The following SLC4A3 variants were observed in gnomAD, a reference collection of about 807,000 sequenced individuals.
SLC4A3 encodes the protein solute carrier family 4 member 3.
In SLC4A3, 47 loss-of-function variants were observed where a neutral mutation model predicts 114.2. The observed-to-expected ratio is 0.41, with a 90% CI of 0.33 to 0.52. The LOEUF is 0.52. SLC4A3 is among the 20% of genes least tolerant of loss of function. The pLI is 0.21. For missense variants in SLC4A3, 1,312 were observed against 1,668.3 expected, an observed-to-expected ratio of 0.79 and a Z score of 3.72; for synonymous variants, 693 against 710.3, an observed-to-expected ratio of 0.98 and a Z score of 0.39.
In SLC4A3 at chr2:219,637,433, G is replaced by C; in HGVS notation, c.2536-148G>C. 1 of 593,850 alleles carries C rather than the reference G, an allele frequency of 1.7e-6. No homozygotes were observed. Among genetic ancestry groups the C allele is most frequent in the South Asian group, 2.1e-5 (1 of 47,736 alleles). The allele number at this position is 593,850 out of a possible 1,614,324, so 36.8% of individuals were successfully genotyped here. ...GTGTGTTCTGTGTGTTCTGTGTGTT[G>C]TGTGTGTGGTGCAGCTGGATGTCCG... On this transcript the variant is annotated intron_variant, in intron 16 of 22. Coordinates refer to ENST00000358055, the MANE Select transcript of SLC4A3 (RefSeq NM_005070.4). This position sits in a 1 kb window ranked among gnomAD's most constrained non-coding sequence, Gnocchi z 4.6.
Position 219,629,496 on chromosome 2 carries a change from T to C in SLC4A3, c.495+75T>C, listed in dbSNP as rs919269065. On this transcript the variant is annotated intron_variant, in intron 4 of 22. Coordinates refer to ENST00000358055, the MANE Select transcript of SLC4A3 (RefSeq NM_005070.4). ...ACAGAGAGGAGGAGAGGAGTGCGTG[T>C]TGGGGGCCTGTGTGAGGCTGGGTAG... 6.3e-6 allele frequency: 10 copies of C among 1,592,568 alleles called. No individual in the cohort carries two copies. In the African/African-American group the frequency reaches 9.4e-5, roughly 15 times the overall value.
In SLC4A3 at chr2:219,633,993, G is replaced by T. The variant is rs1699031505; in HGVS notation, c.1561+14G>T. 2 of 1,541,428 alleles carry T rather than the reference G, an allele frequency of 1.3e-6. No individual in the cohort carries two copies. The highest frequency in any genetic ancestry group is 4.9e-5 in the East Asian group (2 of 41,026). Reference sequence around the variant, plus strand: ...TTGTGCTTGTGGGTGAGGAGGGCCGGGCGCCGGGGGCAGGGTCTGCAGTGT... The same window carrying T: ...TTGTGCTTGTGGGTGAGGAGGGCCGTGCGCCGGGGGCAGGGTCTGCAGTGT... On this transcript the variant is annotated intron_variant, in intron 11 of 22. Coordinates refer to ENST00000358055, the MANE Select transcript of SLC4A3 (RefSeq NM_005070.4).
At chr2:219,629,018 CATGGCCCTGGAGG>C (rs1424848961) in intron 3 of SLC4A3, 113 bp from the exon 4 acceptor site, 20 of 1,165,538 alleles carry the variant, frequency 1.7e-5, no homozygotes, top group Non-Finnish European at 2.2e-5. Flanking sequence ...GTTGGGGGGT[CATGGCCCTGGAGG>C]AAGGACTAGG....
Position 219,640,601 on chromosome 2 carries a change from T to C in SLC4A3, c.3447+2T>C. 1 of 1,613,356 alleles carries C rather than the reference T, an allele frequency of 6.2e-7. No homozygotes were observed. The highest frequency in any genetic ancestry group is 2.2e-5 in the East Asian group (1 of 44,874). On this transcript the variant is annotated splice_donor_variant, in intron 21 of 22. Transcript: ENST00000358055. LOFTEE classifies it high-confidence loss of function. ...CCTGAGCAGCCCTATGTGACCAAGG[T>C]AGGGCCGGGAAGCATGGGGGTAGGG...
intron 4 of SLC4A3, 79 bp downstream of exon 4, chr2:219,629,500 G>A (rs1203924573): frequency 1.8e-5 from 29 of 1,592,274 alleles, no homozygotes; most frequent in Non-Finnish European, 2.4e-5. Flanking sequence ...TGCGTGTTGG[G>A]GGCCTGTGTG....
Position 219,639,875 on chromosome 2 carries a change from C to T in SLC4A3, c.3277+140C>T. 9.4e-7 allele frequency: 1 copy of T among 1,065,364 alleles called. No individual in the cohort carries two copies. Among genetic ancestry groups the T allele is most frequent in the Non-Finnish European group, 1.4e-6 (1 of 740,268 alleles). The allele number at this position is 1,065,364 out of a possible 1,614,324, so 66.0% of individuals were successfully genotyped here. A position where few individuals can be genotyped will look rare whatever the true frequency, so the allele number is the denominator to read the frequency against. On this transcript the variant is annotated intron_variant, in intron 20 of 22. Transcript: ENST00000358055. The surrounding 1 kb of genome is among the most constrained non-coding windows in gnomAD (Gnocchi z 5.9). ...TGACCCCCAAACCTGCTTCCCAGCA[C>T]TCCCCTAGCCCTTTACTCCTGGAGT...
rs1172184191 is a variant in SLC4A3, at chr2:219,634,604, G to A, written c.1746G>A (p.Lys582=). ...GRSIATLMSD[K]LFHEAAYQAD... ...CCATTGCCACCCTTATGTCTGACAAGGTTGGGCGCGTGCTGGCTCTCAAGG... is the reference window on the plus strand; with the variant it reads ...CCATTGCCACCCTTATGTCTGACAAAGTTGGGCGCGTGCTGGCTCTCAAGG... The change falls in exon 12 of 23, where the codon AAG becomes AAA. Residue 582 remains lysine, a splice_region_variant and synonymous_variant. Coordinates refer to ENST00000358055, the MANE Select transcript of SLC4A3 (RefSeq NM_005070.4). The A allele has an allele frequency of 6.2e-7, 1 of 1,613,882 alleles. No individual in the cohort carries two copies. Among genetic ancestry groups the A allele is most frequent in the Non-Finnish European group, 8.5e-7 (1 of 1,179,884 alleles).
chr2:219,629,983 G>C, intron 5 of SLC4A3, 170 bp from the exon 6 acceptor site: 1 of 1,351,058 alleles, frequency 7.4e-7, no homozygotes, highest in Admixed American at 2.5e-5. Context: ...GTGGAGGAAA[G>C]GGGGAGCCAC....
In SLC4A3 at chr2:219,631,165, TCCAGGCTC is replaced by T. The variant is rs1698905165; in HGVS notation, c.812-799_812-792del. On this transcript the variant is annotated intron_variant, in intron 6 of 22. Transcript: ENST00000358055. This position sits in a 1 kb window ranked among gnomAD's most constrained non-coding sequence, Gnocchi z 6.3. ...CTCTGGTTGGACAGAAGCCACCCCG[TCCAGGCTC>T]CCACCTTGTAGGAGAGCCGAGGGGT... 4 of 1,185,278 alleles carry T rather than the reference TCCAGGCTC, an allele frequency of 3.4e-6. No homozygotes were observed. Among genetic ancestry groups the T allele is most frequent in the Non-Finnish European group, 4.3e-6 (4 of 930,310 alleles). The allele number at this position is 1,185,278 out of a possible 1,614,324, so 73.4% of individuals were successfully genotyped here. A position where few individuals can be genotyped will look rare whatever the true frequency, so the allele number is the denominator to read the frequency against.
rs1699131681 is a variant in SLC4A3, at chr2:219,636,740, G to A, written c.2401G>A (p.Val801Met). 1 of 1,613,982 alleles carries A rather than the reference G, an allele frequency of 6.2e-7. No homozygotes were observed. The highest frequency in any genetic ancestry group is 1.3e-5 in the African/African-American group (1 of 74,914). The stretch of plus-strand genomic sequence containing the variant: ...CCGGGTGTGGGTTGGTCTCTGGCTG[G>A]TGGTCTTCGTCCTTGCCCTGGTGGC... ...TGRVWVGLWL[V>M]VFVLALVAAE... Residue 801 changes from valine (V) to methionine (M), a missense_variant, in exon 16 of 23, where the codon GTG (valine) becomes ATG (methionine). Physicochemically the swap from Val to Met is conservative, Grantham distance 21 (BLOSUM62 1). Around this residue, in one of 4 missense-constraint regions of SLC4A3, gnomAD observed 771 missense variants for 977.7 expected, o/e 0.79. Coordinates refer to ENST00000358055, the MANE Select transcript of SLC4A3 (RefSeq NM_005070.4). This position sits in a 1 kb window ranked among gnomAD's most constrained non-coding sequence, Gnocchi z 5.5.
rs597306 is a variant in SLC4A3 at position 219,629,396 on chromosome 2, A to C, written c.470A>C (p.His157Pro). ...GAGGCAGAACCTGTGGAGCCCCCCC[A>C]CTCAGGGACCCCACAGAAGGCAAAG... Reference protein sequence around the residue: ...ESEAEPVEPPHSGTPQKAKFS... With the variant: ...ESEAEPVEPPPSGTPQKAKFS... The change falls in exon 4 of 23, where the codon CAC (histidine) becomes CCC (proline). Residue 157 changes from histidine to proline, a missense_variant. Around this residue, in one of 4 missense-constraint regions of SLC4A3, gnomAD observed 236 missense variants for 212.1 expected, o/e 1.11. Coordinates refer to ENST00000358055, the MANE Select transcript of SLC4A3 (RefSeq NM_005070.4). The C allele has an allele frequency of 0.99, 1,561,734 of 1,577,546 alleles. 773,987 individuals are homozygous for C. Among genetic ancestry groups the C allele is most frequent in the East Asian group, 1 (44,429 of 44,464 alleles).
rs1006572558 is a variant in SLC4A3 at position 219,638,451 on chromosome 2, G to A, written c.2856+198G>A. Among the ~76,000 whole-genome samples, 1 of 152,210 alleles carries A rather than the reference G, an allele frequency of 6.6e-6. No individual in the cohort carries two copies. Among genetic ancestry groups the A allele is most frequent in the Non-Finnish European group, 1.5e-5 (1 of 68,030 alleles). The stretch of plus-strand genomic sequence containing the variant: ...GGGAGAAGCAGGTGTGGGGCTGGGA[G>A]CAGAATGACAGTATCCCACACAGGT... On this transcript the variant is annotated intron_variant, in intron 18 of 22. Transcript: ENST00000358055. This position sits in a 1 kb window ranked among gnomAD's most constrained non-coding sequence, Gnocchi z 7.5.
chr2:219,640,586 C>A lies in SLC4A3; in HGVS notation c.3434C>A (p.Pro1145His). ...LMPAKHHPEQ[P>H]YVTKVKTWRM... ...CCGGCAAAACACCATCCTGAGCAGCCCTATGTGACCAAGGTAGGGCCGGGA... is the reference window on the plus strand; with the variant it reads ...CCGGCAAAACACCATCCTGAGCAGCACTATGTGACCAAGGTAGGGCCGGGA... Residue 1145 changes from proline to histidine, a missense_variant, in exon 21 of 23, where the codon CCC becomes CAC. Pro to His is a moderately conservative substitution (Grantham distance 77). Transcript: ENST00000358055. 1.2e-6 allele frequency: 2 copies of A among 1,613,936 alleles called. No individual in the cohort carries two copies. Among genetic ancestry groups the A allele is most frequent in the Non-Finnish European group, 1.7e-6 (2 of 1,179,904 alleles).
Position 219,634,535 on chromosome 2 carries a change from G to C in SLC4A3, c.1677G>C (p.Leu559=). 1 of 1,614,226 alleles carries C rather than the reference G, an allele frequency of 6.2e-7. No homozygotes were observed. The highest frequency in any genetic ancestry group is 8.5e-7 in the Non-Finnish European group (1 of 1,180,048). ...PVPVRFLFVM[L]GPSHTSTDYH... ...CGGTCCGCTTCCTCTTCGTGATGCT[G>C]GGGCCCAGCCACACCAGCACTGACT... The change falls in exon 12 of 23, where the codon CTG becomes CTC. Residue 559 remains leucine, a synonymous_variant. Transcript: ENST00000358055.
Position 219,640,422 on chromosome 2 carries a change from T to A in SLC4A3, c.3278-8T>A. The A allele has an allele frequency of 6.2e-7, 1 of 1,609,018 alleles. No homozygotes were observed. The highest frequency in any genetic ancestry group is 1.1e-5 in the South Asian group (1 of 90,536). ...GAGGGTCAGGCGGGTCTGTGTCACC[T>A]CCTCCAGGCCTGTCCATCGTCATGG... is the stretch of plus-strand genomic sequence containing the variant. On this transcript the variant is annotated splice_polypyrimidine_tract_variant and splice_region_variant and intron_variant, in intron 20 of 22. Transcript: ENST00000358055.
chr2:219,629,505 T>C lies in SLC4A3; in HGVS notation c.496-75T>C, dbSNP rs929859923. 1.9e-6 allele frequency: 3 copies of C among 1,583,304 alleles called. No individual in the cohort carries two copies. The African/African-American group carries it at 4.0e-5, about 21-fold the overall frequency. On this transcript the variant is annotated intron_variant, in intron 4 of 22. Transcript: ENST00000358055. Reference sequence around the variant, plus strand: ...AGGAGAGGAGTGCGTGTTGGGGGCCTGTGTGAGGCTGGGTAGGGTTGGGGG... The same window carrying C: ...AGGAGAGGAGTGCGTGTTGGGGGCCCGTGTGAGGCTGGGTAGGGTTGGGGG...
rs1350275411 is a variant in SLC4A3 at position 219,634,499 on chromosome 2, G to A, written c.1641G>A (p.Glu547=). Residue 547 remains glutamate (E), a synonymous_variant, in exon 12 of 23, where the codon GAG becomes GAA. Coordinates refer to ENST00000358055, the MANE Select transcript of SLC4A3 (RefSeq NM_005070.4). ...CTGTACTCCTGGAGTCTGTGCTTGA[G>A]GTCCCTGTCCCGGTCCGCTTCCTCT... The part of the protein sequence containing the change: ...NEAVLLESVL[E]VPVPVRFLFV... The A allele has an allele frequency of 6.2e-7, 1 of 1,614,068 alleles. No individual in the cohort carries two copies. The highest frequency in any genetic ancestry group is 2.2e-5 in the East Asian group (1 of 44,886).
At position 219,630,019 on chromosome 2, in the gene SLC4A3, C is replaced by T; in HGVS notation, c.612-134C>T. On this transcript the variant is annotated intron_variant, in intron 5 of 22. Transcript: ENST00000358055. This position sits in a 1 kb window ranked among gnomAD's most constrained non-coding sequence, Gnocchi z 6.9. ...GGGATGGGGAGGGGGCCTGGGTCAG[C>T]ATCCTTTGCTGCCCAGGAGGGGCCT... is the stretch of plus-strand genomic sequence containing the variant. 2 of 1,503,722 alleles carry T rather than the reference C, an allele frequency of 1.3e-6. 1 individual carries two copies. The allele number at this position is 1,503,722 out of a possible 1,614,324, so 93.1% of individuals were successfully genotyped here.
intron 13 of SLC4A3, 39 bp downstream of exon 13, chr2:219,635,535 C>A: frequency 6.5e-7 from 1 of 1,531,512 alleles, no homozygotes; most frequent in Non-Finnish European, 8.9e-7. Context: ...AATACACACT[C>A]CCCCATCCCA....
Sources: gnomAD v4.1 joint callset for allele counts (sites outside exome capture counted in the v4.1 genomes callset) on GRCh38, gnomAD v4.1.1 for gene constraint, gnomAD v4.1.1 regional missense constraint, Gnocchi (gnomAD v3.1) non-coding constraint, MANE v1.5 for transcripts, NCBI Gene and HGNC (gene_info 2026-07-23, HGNC 2026-07-21) for gene names.